Variants in NRXN1 observed in about 807,000 individuals in gnomAD.
The protein encoded by NRXN1 is neurexin-1.
Under a neutral mutation model 150.9 loss-of-function variants are expected in NRXN1, and 39 were observed. The observed-to-expected ratio is 0.26, with a 90% CI of 0.20 to 0.34. The LOEUF is 0.34. NRXN1 is among the 10% of genes least tolerant of loss of function. The pLI is 1.00. For synonymous variants in NRXN1, 924 were observed against 757.0 expected, an observed-to-expected ratio of 1.22 and a Z score of -3.62; for missense variants, 1,815 against 1,949.9, an observed-to-expected ratio of 0.93 and a Z score of 1.30.
At position 50,899,143 on chromosome 2, in the gene NRXN1, G is replaced by C. The variant is rs151296359; in HGVS notation, c.832+22726C>G. ...TAAAATAAATGAACGATATTCTGAA[G>C]CAATAGGTTGACTTTTAATCCTGAT... is the stretch of plus-strand genomic sequence containing the variant. On this transcript the variant is annotated intron_variant, in intron 5 of 22. Coordinates refer to ENST00000401669, the MANE Select transcript of NRXN1 (RefSeq NM_001330078.2). Among the ~76,000 whole-genome samples the C allele has an allele frequency of 4.5e-3, 686 of 152,214 alleles. 2 individuals carry two copies. In the Middle Eastern group the frequency reaches 0.051, roughly 11 times the overall value.
chr2:50,763,185 T>C (rs991867130), intron 5 of NRXN1, among the ~76,000 whole-genome samples: 1 of 152,116 alleles, frequency 6.6e-6, no homozygotes, highest in Non-Finnish European at 1.5e-5. Context: ...GACTAGTTCC[T>C]GTAATTGACA....
chr2:50,257,012 A>C (rs1416570612), intron 17 of NRXN1, among the ~76,000 whole-genome samples: 1 of 152,212 alleles, frequency 6.6e-6, no homozygotes, highest in Middle Eastern at 3.4e-3. Flanking sequence ...ATTGACAGCA[A>C]AGGGTGTTTA....
At position 50,078,390 on chromosome 2, in the gene NRXN1, A is replaced by G. The variant is rs115184234; in HGVS notation, c.3718+12933T>C. Among the ~76,000 whole-genome samples, 1,338 of 147,994 alleles carry G rather than the reference A, an allele frequency of 9.0e-3. 11 individuals are homozygous for G. The highest frequency in any genetic ancestry group is 0.012 in the Non-Finnish European group (798 of 66,790). On this transcript the variant is annotated intron_variant, in intron 19 of 22. Transcript: ENST00000401669. ...CTCTTATTTCAAAAAAAAAAATCTT[A>G]TAGAATGAGAGTTCCAAATACCTTT...
intron 6 of NRXN1, among the ~76,000 whole-genome samples, chr2:50,622,565 G>T (rs781271298): frequency 6.6e-6 from 1 of 151,984 alleles, no homozygotes; most frequent in Non-Finnish European, 1.5e-5. Context: ...ATTTTCATTC[G>T]TATATATACT....
chr2:50,500,980 G>A (rs565455419), intron 13 of NRXN1, among the ~76,000 whole-genome samples: 15 of 152,224 alleles, frequency 9.9e-5, no homozygotes, highest in South Asian at 4.1e-4. Flanking sequence ...CATGGTCTAC[G>A]GGAGAAAGGC....
intron 12 of NRXN1, among the ~76,000 whole-genome samples, chr2:50,518,262 G>C (rs2092685058): frequency 6.6e-6 from 1 of 152,006 alleles, no homozygotes; most frequent in Non-Finnish European, 1.5e-5. Context: ...CAACTGGCAA[G>C]TTTAAGAAGT....
At chr2:49,946,560 T>C (rs1672931657) in intron 21 of NRXN1, among the ~76,000 whole-genome samples, 1 of 152,168 alleles carries the variant, frequency 6.6e-6, no homozygotes, top group South Asian at 2.1e-4. Context: ...AATTTTTGTA[T>C]AAGGTGTAAG....
At chr2:50,487,076 C>G (rs1368219476) in intron 15 of NRXN1, among the ~76,000 whole-genome samples, 3 of 152,110 alleles carry the variant, frequency 2.0e-5, no homozygotes, top group African/African-American at 7.2e-5. Flanking sequence ...ATGTTAGTTT[C>G]ATCACCTGTT....
At chr2:50,877,589 T>C (rs1227965242) in intron 5 of NRXN1, among the ~76,000 whole-genome samples, 1 of 151,996 alleles carries the variant, frequency 6.6e-6, no homozygotes, top group Non-Finnish European at 1.5e-5. Context: ...ATTGTTCTTT[T>C]GTTGTTTTCC....
chr2:50,551,781 C>T (rs1460611315), intron 9 of NRXN1, among the ~76,000 whole-genome samples: 1 of 152,012 alleles, frequency 6.6e-6, no homozygotes, highest in African/African-American at 2.4e-5. Flanking sequence ...CTCTTTCTCC[C>T]TCTCTTCTCT....
intron 12 of NRXN1, among the ~76,000 whole-genome samples, chr2:50,525,167 C>T (rs2092913506): frequency 6.6e-6 from 1 of 152,168 alleles, no homozygotes; most frequent in South Asian, 2.1e-4. Flanking sequence ...GTAAAACAGT[C>T]ATCTTCTCAT....
chr2:50,878,701 T>G (rs1678975692), intron 5 of NRXN1, among the ~76,000 whole-genome samples: 1 of 151,860 alleles, frequency 6.6e-6, no homozygotes, highest in Non-Finnish European at 1.5e-5. Context: ...ATACAATAAA[T>G]AGCATGGCTG....
intron 17 of NRXN1, among the ~76,000 whole-genome samples, chr2:50,324,968 T>G (rs1251344212): frequency 6.6e-6 from 1 of 152,212 alleles, no homozygotes; most frequent in Non-Finnish European, 1.5e-5. Flanking sequence ...TTTGATGCAC[T>G]ACCCAGAATT....
At chr2:50,744,098 C>T (rs1338509762) in intron 5 of NRXN1, among the ~76,000 whole-genome samples, 1 of 152,098 alleles carries the variant, frequency 6.6e-6, no homozygotes, top group African/African-American at 2.4e-5. Context: ...CATTTATATA[C>T]AAGACCTGAG....
chr2:50,372,656 C>A (rs1455915803), intron 17 of NRXN1, among the ~76,000 whole-genome samples: 1 of 152,012 alleles, frequency 6.6e-6, no homozygotes, highest in Admixed American at 6.6e-5. Context: ...AAATGCTCAC[C>A]AGATTTACTT....
rs570891141 is a variant in NRXN1, at chr2:50,803,846, T to G, written c.832+118023A>C. Among the ~76,000 whole-genome samples the G allele has an allele frequency of 3.3e-5, 5 of 152,310 alleles. No homozygotes were observed. The South Asian group carries it at 1.0e-3, about 32-fold the overall frequency. ...AAAAACAATATCACTTTTAACATAC[T>G]TCTGATTCTCTTGATGATAACCCCA... On this transcript the variant is annotated intron_variant, in intron 5 of 22. Coordinates refer to ENST00000401669, the MANE Select transcript of NRXN1 (RefSeq NM_001330078.2).
intron 17 of NRXN1, among the ~76,000 whole-genome samples, chr2:50,335,847 A>G (rs937448433): frequency 6.6e-6 from 1 of 152,026 alleles, no homozygotes; most frequent in African/African-American, 2.4e-5. Flanking sequence ...GTGTTTTAAA[A>G]AGCTCAGAGG....
At chr2:50,802,912 C>A (rs1022301535) in intron 5 of NRXN1, among the ~76,000 whole-genome samples, 15 of 152,102 alleles carry the variant, frequency 9.9e-5, no homozygotes, top group South Asian at 4.1e-4. Flanking sequence ...TAGGAAGACA[C>A]AAGGAACGAT....
At chr2:50,399,323 A>T (rs1418060953) in intron 17 of NRXN1, among the ~76,000 whole-genome samples, 1 of 152,028 alleles carries the variant, frequency 6.6e-6, no homozygotes, top group Non-Finnish European at 1.5e-5. Flanking sequence ...TTACTTTTCC[A>T]TTCTTGATCA....
Sources: allele counts gnomAD v4.1 joint callset (sites outside exome capture counted in the v4.1 genomes callset), GRCh38; gene constraint gnomAD v4.1.1; transcripts MANE v1.5; gene names NCBI Gene and HGNC (gene_info 2026-07-23, HGNC 2026-07-21).